Variants in PLCH1 observed in about 807,000 individuals in gnomAD.
The protein encoded by PLCH1 is 1-phosphatidylinositol 4,5-bisphosphate phosphodiesterase eta-1.
In PLCH1, 60 loss-of-function variants were observed where a neutral mutation model predicts 126.7. The observed-to-expected ratio is 0.47, with a 90% CI of 0.38 to 0.59. The LOEUF is 0.59. Among genes scored for constraint, PLCH1 ranks in the 20% least tolerant of loss-of-function variants. The pLI is 0.00. For missense variants in PLCH1, 1,723 were observed against 2,040.0 expected (o/e 0.84, Z 2.99); for synonymous variants, 719 against 734.9 (o/e 0.98, Z 0.35).
At chr3:155,483,820 T>A (rs1460575718) in intron 22 of PLCH1, among the ~76,000 whole-genome samples, 2 of 152,158 alleles carry the variant, frequency 1.3e-5, no homozygotes, top group Non-Finnish European at 2.9e-5. Context: ...TAGCCCATCA[T>A]GGTTAGTATA....
At chr3:155,476,406 A>G (rs1003651440), downstream of PLCH1, among the ~76,000 whole-genome samples, 1 of 152,238 alleles carries the variant, frequency 6.6e-6, no homozygotes, top group African/African-American at 2.4e-5. Context: ...GCCCACTGTC[A>G]CCATTGTTAT....
intron 1 of PLCH1, among the ~76,000 whole-genome samples, chr3:155,741,684 CTTT>C (rs71624571): frequency 1.1e-3 from 112 of 102,844 alleles, no homozygotes; most frequent in Non-Finnish European, 1.6e-3. Flanking sequence ...TTTATATCCT[CTTT>C]TTTTTTTTTT....
In PLCH1 at chr3:155,469,460, G is replaced by A. The variant is rs554949220; in HGVS notation, c.2938+15896C>T. On this transcript the variant is annotated intron_variant, in intron 21 of 21. Coordinates refer to the PLCH1 transcript ENST00000494598. ...AGTCTCGCTGATTGCTAGCACAGCA[G>A]TCTGAGATCAAACTGCAAGGCGGCA... Among the ~76,000 whole-genome samples, 932 of 152,268 alleles carry A rather than the reference G, an allele frequency of 6.1e-3. 10 individuals are homozygous for A. The highest frequency in any genetic ancestry group is 0.021 in the African/African-American group (865 of 41,582).
At chr3:155,696,029 AT>A (rs1404468389) in intron 2 of PLCH1, among the ~76,000 whole-genome samples, 1 of 152,196 alleles carries the variant, frequency 6.6e-6, no homozygotes, top group Non-Finnish European at 1.5e-5. Context: ...AGGTAGGCAG[AT>A]GGACATCTGA....
At chr3:155,681,059 AC>A (rs1281286453) in intron 2 of PLCH1, among the ~76,000 whole-genome samples, 2 of 152,168 alleles carry the variant, frequency 1.3e-5, no homozygotes, top group Non-Finnish European at 2.9e-5. Context: ...TCCTATAAAA[AC>A]ATATGAAAAA....
In PLCH1 at chr3:155,604,904, G is replaced by A. The variant is rs147238309; in HGVS notation, c.80-8526C>T. 3.0e-3 allele frequency among the ~76,000 whole-genome samples: 452 copies of A among 152,262 alleles called. 2 individuals carry two copies. Among genetic ancestry groups the A allele is most frequent in the South Asian group, 0.019 (94 of 4,826 alleles). On this transcript the variant is annotated intron_variant, in intron 2 of 22. Coordinates refer to ENST00000460012, the MANE Select transcript of PLCH1 (RefSeq NM_014996.4). Reference sequence around the variant, plus strand: ...GCAAGGTTTTAATTAATGAGAAAAAGGATTAGTGTGACAAGTCTTAGATTG... The same window carrying A: ...GCAAGGTTTTAATTAATGAGAAAAAAGATTAGTGTGACAAGTCTTAGATTG...
intron 10 of PLCH1, among the ~76,000 whole-genome samples, chr3:155,547,893 G>C (rs1269701280): frequency 9.0e-6 from 1 of 110,870 alleles, no homozygotes; most frequent in East Asian, 3.1e-4. Context: ...CTGTTGTGGG[G>C]TGGGGGGAGG....
intron 10 of PLCH1, among the ~76,000 whole-genome samples, chr3:155,542,683 G>C (rs1292966562): frequency 6.6e-6 from 1 of 152,184 alleles, no homozygotes. Context: ...ACTCCTCTGA[G>C]ACAAAACTTC....
chr3:155,554,672 T>C (rs1726576314), intron 8 of PLCH1, among the ~76,000 whole-genome samples: 2 of 152,240 alleles, frequency 1.3e-5, no homozygotes, highest in Non-Finnish European at 2.9e-5. Flanking sequence ...AGATTGATTT[T>C]CATTTCATTA....
At chr3:155,644,655 C>T (rs943859513) in intron 2 of PLCH1, among the ~76,000 whole-genome samples, 13 of 152,002 alleles carry the variant, frequency 8.6e-5, no homozygotes, top group Non-Finnish European at 1.8e-4. Context: ...TTCCAAAAAG[C>T]ATGCAGTTAA....
chr3:155,461,517 AAG>A (rs1712724559), intron 21 of PLCH1, among the ~76,000 whole-genome samples: 1 of 148,678 alleles, frequency 6.7e-6, no homozygotes, highest in South Asian at 2.2e-4. Context: ...AGTAGTCCAG[AAG>A]ACACACACAA....
intron 1 of PLCH1, among the ~76,000 whole-genome samples, chr3:155,723,457 C>T (rs1470715924): frequency 2.0e-5 from 3 of 151,558 alleles, no homozygotes; most frequent in Non-Finnish European, 2.9e-5. Context: ...TTCATTATTC[C>T]TTTTCTTCTG....
downstream of PLCH1, among the ~76,000 whole-genome samples, chr3:155,475,725 A>G (rs1014253406): frequency 6.6e-6 from 1 of 152,160 alleles, no homozygotes; most frequent in African/African-American, 2.4e-5. Context: ...GAAATTGACA[A>G]ATTTCTAGAT....
At chr3:155,661,411 G>A (rs898138197) in intron 2 of PLCH1, among the ~76,000 whole-genome samples, 2 of 152,104 alleles carry the variant, frequency 1.3e-5, no homozygotes, top group African/African-American at 4.8e-5. Context: ...AGTCTCAAAG[G>A]CTACTGGCTC....
At chr3:155,558,892 G>C (rs1273501094) in intron 8 of PLCH1, among the ~76,000 whole-genome samples, 3 of 152,050 alleles carry the variant, frequency 2.0e-5, no homozygotes, top group South Asian at 2.1e-4. Context: ...CAAATCACAG[G>C]ACTGACAGAT....
chr3:155,458,385 AGAAGGAAGGAAGGAAGGAAG>A (rs781003032), intron 21 of PLCH1, among the ~76,000 whole-genome samples: 657 of 38,832 alleles, frequency 0.017, 22 homozygotes, highest in East Asian at 0.047. Flanking sequence ...AAAGAAAGAA[AGAAGGAAGGAAGGAAGGAAG>A]GAAGGAAGGA....
At chr3:155,690,558 A>C (rs1273134931) in intron 2 of PLCH1, among the ~76,000 whole-genome samples, 1 of 152,178 alleles carries the variant, frequency 6.6e-6, no homozygotes, top group Non-Finnish European at 1.5e-5. Flanking sequence ...TCAAATTTTT[A>C]AGCCCATTGT....
At chr3:155,557,188 C>G (rs1726933004) in intron 8 of PLCH1, among the ~76,000 whole-genome samples, 1 of 152,148 alleles carries the variant, frequency 6.6e-6, no homozygotes, top group African/African-American at 2.4e-5. Context: ...CATATTTTTC[C>G]ATGTACTTGA....
At chr3:155,729,037 C>T (rs1748550590) in intron 1 of PLCH1, among the ~76,000 whole-genome samples, 1 of 152,180 alleles carries the variant, frequency 6.6e-6, no homozygotes, top group South Asian at 2.1e-4. Flanking sequence ...TGTCTCTAAA[C>T]CAGTGATTTC....
Sources: gnomAD v4.1 joint callset for allele counts (sites outside exome capture counted in the v4.1 genomes callset) on GRCh38, gnomAD v4.1.1 for gene constraint, MANE v1.5 for transcripts, NCBI Gene and HGNC (gene_info 2026-07-23, HGNC 2026-07-21) for gene names.